ALLC: variants seen among roughly 807,000 people sequenced by gnomAD.
ALLC encodes probable inactive allantoicase.
ALLC carries 40 observed loss-of-function variants against 45.0 expected under a neutral mutation model. The ratio of observed to expected loss-of-function variants is 0.89; its 90% confidence interval spans 0.69 to 1.16. The LOEUF (loss-of-function observed/expected upper bound fraction) is 1.16, where lower values mean the gene tolerates loss of function less well. Ranked by LOEUF, ALLC falls within the 50% of genes most tolerant of loss-of-function variation. The pLI is 0.00. For synonymous variants in ALLC, 176 were observed against 178.1 expected (o/e 0.99, Z 0.09); for missense variants, 488 against 493.1 (o/e 0.99, Z 0.10).
intron 7 of ALLC, chr2:3,694,544 A>G (rs1407210276): frequency 2.0e-5 from 3 of 152,226 alleles, no homozygotes; most frequent in Non-Finnish European, 2.9e-5. Flanking sequence ...AAAATGTGAA[A>G]TCGACTTCAC....
At chr2:3,678,614 G>A (rs1667090582) in intron 4 of ALLC, 59 bp downstream of exon 4, 1 of 1,445,412 alleles carries the variant, frequency 6.9e-7, no homozygotes. Flanking sequence ...AAAAACGCAG[G>A]CTGTGGCAAA....
chr2:3,681,242 T>C (rs888530922), intron 5 of ALLC, among the ~76,000 whole-genome samples: 1 of 152,180 alleles, frequency 6.6e-6, no homozygotes, highest in African/African-American at 2.4e-5. Flanking sequence ...CAACTGCCCA[T>C]GAGTGCTTCT....
intron 1 of ALLC, among the ~76,000 whole-genome samples, chr2:3,660,662 C>G (rs1666550281): frequency 6.6e-6 from 1 of 151,936 alleles, no homozygotes; most frequent in South Asian, 2.1e-4. Context: ...GCACGTGGCC[C>G]CTGCTGCTGT....
intron 3 of ALLC, 147 bp downstream of exon 3, chr2:3,674,272 A>T: frequency 1.4e-6 from 1 of 702,152 alleles, no homozygotes; most frequent in African/African-American, 1.8e-5. Context: ...AAAGACATGC[A>T]AATCAGCATG....
intron 1 of ALLC, among the ~76,000 whole-genome samples, chr2:3,660,924 GA>G (rs1010478278): frequency 1.5e-5 from 2 of 131,510 alleles, no homozygotes; most frequent in Non-Finnish European, 3.2e-5. Flanking sequence ...GTTGCTTTAT[GA>G]GGAAGTTAAG....
At chr2:3,671,731 ATGGGAGGT>A in intron 2 of ALLC, among the ~76,000 whole-genome samples, 5 of 147,344 alleles carry the variant, frequency 3.4e-5, no homozygotes, top group African/African-American at 1.3e-4. Flanking sequence ...CTCTGGTTAG[ATGGGAGGT>A]CCTCTGGCTC....
At chr2:3,690,953 T>TG (rs1667500405) in intron 7 of ALLC, among the ~76,000 whole-genome samples, 1 of 124,120 alleles carries the variant, frequency 8.1e-6, no homozygotes. Flanking sequence ...TGCACATTAG[T>TG]GTTTTTTTTT....
At chr2:3,693,799 C>G (rs1230125184) in intron 7 of ALLC, among the ~76,000 whole-genome samples, 2 of 152,136 alleles carry the variant, frequency 1.3e-5, no homozygotes, top group African/African-American at 4.8e-5. Flanking sequence ...ACCAGCCTGG[C>G]CAACATGGGG....
At chr2:3,651,313 TGGGGGGGGTG>T in the ALLC span, among the ~76,000 whole-genome samples, 31 of 8,538 alleles carry the variant, frequency 3.6e-3, no homozygotes, top group South Asian at 0.017. Flanking sequence ...GGTGGGTGGG[TGGGGGGGGTG>T]TGTGTGTGTG....
At chr2:3,693,077 C>A (rs887020871) in intron 7 of ALLC, among the ~76,000 whole-genome samples, 1 of 152,170 alleles carries the variant, frequency 6.6e-6, no homozygotes, top group African/African-American at 2.4e-5. Flanking sequence ...CAGGTGAGGT[C>A]TTGGTTCAAA....
chr2:3,651,135 G>GA, the ALLC span, among the ~76,000 whole-genome samples: 1 of 152,088 alleles, frequency 6.6e-6, no homozygotes, highest in Non-Finnish European at 1.5e-5. Flanking sequence ...GATGAGCGCA[G>GA]ACACACAGCC....
chr2:3,674,008 G>C (rs1332391734), intron 2 of ALLC, 67 bp from the exon 3 acceptor site: 4 of 1,178,810 alleles, frequency 3.4e-6, no homozygotes, highest in Non-Finnish European at 4.9e-6. Flanking sequence ...TGTTTCACTA[G>C]GGAATGAAAT....
chr2:3,670,349 G>T (rs888307164), intron 1 of ALLC, among the ~76,000 whole-genome samples: 1 of 152,206 alleles, frequency 6.6e-6, no homozygotes, highest in African/African-American at 2.4e-5. Context: ...CACCATGAGG[G>T]GTAGAGAAAA....
chr2:3,669,101 C>G (rs1666799786), intron 1 of ALLC, among the ~76,000 whole-genome samples: 1 of 152,018 alleles, frequency 6.6e-6, no homozygotes, highest in Middle Eastern at 3.2e-3. Context: ...CTTTGGGAGG[C>G]CAAGGAGGGT....
chr2:3,677,213 G>A (rs542746132), intron 3 of ALLC, among the ~76,000 whole-genome samples: 23 of 152,234 alleles, frequency 1.5e-4, no homozygotes, highest in Middle Eastern at 3.4e-3. Flanking sequence ...CCCTCACACC[G>A]TTCAGTGTCA....
At chr2:3,665,436 G>A (rs1422697526) in intron 1 of ALLC, among the ~76,000 whole-genome samples, 1 of 152,126 alleles carries the variant, frequency 6.6e-6, no homozygotes, top group Non-Finnish European at 1.5e-5. Flanking sequence ...ATCCCCACAT[G>A]CATTAGCTAT....
chr2:3,653,256 C>T (rs1444171378), upstream of ALLC, among the ~76,000 whole-genome samples: 1 of 152,260 alleles, frequency 6.6e-6, no homozygotes, highest in Admixed American at 6.5e-5. The surrounding 1 kb of genome is among the most constrained non-coding windows in gnomAD (Gnocchi z 4.1). Flanking sequence ...GAAATAGACT[C>T]TGCCCATGAT....
intron 1 of ALLC, among the ~76,000 whole-genome samples, chr2:3,659,285 A>C (rs1666512784): frequency 6.6e-6 from 1 of 152,136 alleles, no homozygotes; most frequent in Admixed American, 6.5e-5. Flanking sequence ...TTTAAGGCTA[A>C]TCTCAAAAGA....
At chr2:3,674,551 T>C (rs1666971937) in intron 3 of ALLC, among the ~76,000 whole-genome samples, 1 of 152,240 alleles carries the variant, frequency 6.6e-6, no homozygotes, top group South Asian at 2.1e-4. Flanking sequence ...GCTGGCGTCC[T>C]GCTCCTCCGT....
Sources: gnomAD v4.1 joint callset for allele counts (sites outside exome capture counted in the v4.1 genomes callset) on GRCh38, gnomAD v4.1.1 for gene constraint, Gnocchi (gnomAD v3.1) non-coding constraint, MANE v1.5 for transcripts, NCBI Gene and HGNC (gene_info 2026-07-23, HGNC 2026-07-21) for gene names.